Variants in ARHGAP22 observed in about 807,000 individuals in gnomAD.
The protein encoded by ARHGAP22 is Rho GTPase activating protein 22, also known as rho GTPase-activating protein 22.
In ARHGAP22, 48 loss-of-function variants were observed where a neutral mutation model predicts 59.1. The ratio of observed to expected loss-of-function variants is 0.81; its 90% CI spans 0.64 to 1.03. ARHGAP22 has a LOEUF of 1.03. ARHGAP22 is among the 50% of genes least tolerant of loss of function. The pLI is 0.00. For missense variants in ARHGAP22, 1,015 were observed against 958.7 expected (o/e 1.06, Z -0.78); for synonymous variants, 445 against 416.4 (o/e 1.07, Z -0.84).
At chr10:48,508,651 G>A (rs2052417473) in intron 3 of ARHGAP22, among the ~76,000 whole-genome samples, 1 of 152,258 alleles carries the variant, frequency 6.6e-6, no homozygotes, top group South Asian at 2.1e-4. Flanking sequence ...CCCACTGCCA[G>A]GAGCTCTAGC....
At chr10:48,515,435 C>A (rs541940396) in intron 3 of ARHGAP22, among the ~76,000 whole-genome samples, 1 of 152,224 alleles carries the variant, frequency 6.6e-6, no homozygotes, top group Non-Finnish European at 1.5e-5. Flanking sequence ...CCCCATAATT[C>A]ACATGACAAA....
intron 1 of ARHGAP22, among the ~76,000 whole-genome samples, chr10:48,596,478 G>C (rs990953541): frequency 6.6e-6 from 1 of 152,166 alleles, no homozygotes; most frequent in Non-Finnish European, 1.5e-5. Context: ...GAGGTGAGGA[G>C]GGATGAATGA....
At chr10:48,643,647 A>C (rs1481606899) in intron 1 of ARHGAP22, among the ~76,000 whole-genome samples, 2 of 151,870 alleles carry the variant, frequency 1.3e-5, no homozygotes, top group Non-Finnish European at 2.9e-5. Flanking sequence ...AGATATACCT[A>C]ATGTAAATGA....
chr10:48,654,921 TTC>T (rs552652601), upstream of ARHGAP22, among the ~76,000 whole-genome samples: 68 of 144,324 alleles, frequency 4.7e-4, no homozygotes, highest in East Asian at 5.7e-3. Flanking sequence ...CTTTCTCCCT[TTC>T]TCTCTGTTTC....
intron 1 of ARHGAP22, among the ~76,000 whole-genome samples, chr10:48,591,068 C>G (rs1400267495): frequency 6.6e-6 from 1 of 152,198 alleles, no homozygotes; most frequent in Non-Finnish European, 1.5e-5. Context: ...CCTGGCTGGT[C>G]TTGCTCACTA....
intron 1 of ARHGAP22, among the ~76,000 whole-genome samples, chr10:48,620,189 G>A (rs1416056806): frequency 1.3e-5 from 2 of 152,006 alleles, no homozygotes; most frequent in Non-Finnish European, 2.9e-5. Context: ...TCCTCACAGA[G>A]TTTATTGGGT....
chr10:48,633,702 T>A (rs756502598), intron 1 of ARHGAP22, among the ~76,000 whole-genome samples: 1 of 152,220 alleles, frequency 6.6e-6, no homozygotes, highest in Non-Finnish European at 1.5e-5. Flanking sequence ...GGGAAAATGA[T>A]GCCAGCAGCA....
the ARHGAP22 span, chr10:48,431,356 A>G: frequency 1.2e-6 from 1 of 838,344 alleles, no homozygotes; most frequent in Non-Finnish European, 1.9e-6. Context: ...AGTTCTTCCC[A>G]TATTTACAAA....
chr10:48,632,473 T>G (rs2061661059), intron 1 of ARHGAP22, among the ~76,000 whole-genome samples: 1 of 152,246 alleles, frequency 6.6e-6, no homozygotes, highest in South Asian at 2.1e-4. Flanking sequence ...ACTTCTGTTG[T>G]GAAGTCTGAT....
At chr10:48,543,798 T>C (rs1203517911) in intron 3 of ARHGAP22, among the ~76,000 whole-genome samples, 1 of 152,124 alleles carries the variant, frequency 6.6e-6, no homozygotes, top group Non-Finnish European at 1.5e-5. Flanking sequence ...GAAGCTTGTT[T>C]GTCTATGACA....
chr10:48,627,699 T>C, intron 1 of ARHGAP22, among the ~76,000 whole-genome samples: 1 of 152,232 alleles, frequency 6.6e-6, no homozygotes, highest in Non-Finnish European at 1.5e-5. Flanking sequence ...CGAATTTCAG[T>C]CTCCTCTGAT....
At chr10:48,532,518 G>A (rs1375464674) in intron 3 of ARHGAP22, 1 of 151,942 alleles carries the variant, frequency 6.6e-6, no homozygotes, top group Non-Finnish European at 1.5e-5. Context: ...TTAAGTTCTA[G>A]GGTACATGTG....
chr10:48,594,928 A>G (rs1458331868), intron 1 of ARHGAP22, among the ~76,000 whole-genome samples: 2 of 143,914 alleles, frequency 1.4e-5, no homozygotes, highest in African/African-American at 5.2e-5. Flanking sequence ...TCGTTAATAG[A>G]TTACTGCATG....
At chr10:48,570,064 T>G (rs2058301145) in intron 2 of ARHGAP22, among the ~76,000 whole-genome samples, 1 of 152,234 alleles carries the variant, frequency 6.6e-6, no homozygotes, top group African/African-American at 2.4e-5. Flanking sequence ...AAAAAATGGT[T>G]TTAACTAAAT....
At chr10:48,467,460 T>C (rs1023554574) in intron 4 of ARHGAP22, among the ~76,000 whole-genome samples, 2 of 151,910 alleles carry the variant, frequency 1.3e-5, no homozygotes, top group Admixed American at 6.6e-5. Flanking sequence ...GAATTCTTTT[T>C]TTTTTTTTAG....
intron 3 of ARHGAP22, among the ~76,000 whole-genome samples, chr10:48,539,960 C>G (rs1006253425): frequency 3.3e-5 from 5 of 152,202 alleles, no homozygotes; most frequent in Admixed American, 3.3e-4. Flanking sequence ...CTACATGGAA[C>G]TACTTTTGTC....
chr10:48,596,601 AC>A (rs768668881), intron 1 of ARHGAP22, among the ~76,000 whole-genome samples: 1 of 152,112 alleles, frequency 6.6e-6, no homozygotes, highest in Non-Finnish European at 1.5e-5. Flanking sequence ...CAGGCTTTTC[AC>A]CCTGACTCTC....
At chr10:48,512,077 A>G (rs1325124912) in intron 3 of ARHGAP22, among the ~76,000 whole-genome samples, 1 of 152,242 alleles carries the variant, frequency 6.6e-6, no homozygotes, top group Non-Finnish European at 1.5e-5. Context: ...AGGAACCTGG[A>G]TAGGCTGAAG....
chr10:48,602,701 G>A (rs572272277), intron 1 of ARHGAP22, among the ~76,000 whole-genome samples: 2 of 152,264 alleles, frequency 1.3e-5, no homozygotes, highest in African/African-American at 2.4e-5. Flanking sequence ...TGATGTCCCC[G>A]AACAGAAATG....
Sources: allele counts gnomAD v4.1 joint callset (sites outside exome capture counted in the v4.1 genomes callset), GRCh38; gene constraint gnomAD v4.1.1; transcripts MANE v1.5; gene names NCBI Gene and HGNC (gene_info 2026-07-23, HGNC 2026-07-21).